The following RALYL variants were observed in gnomAD, a reference collection of about 807,000 sequenced individuals.
The protein encoded by RALYL is RNA-binding Raly-like protein.
RALYL carries 29 observed loss-of-function variants against 35.1 expected under a neutral mutation model. The ratio of observed to expected loss-of-function variants is 0.83; its 90% confidence interval spans 0.61 to 1.13. The LOEUF (loss-of-function observed/expected upper bound fraction) is 1.13. Ranked by LOEUF, RALYL falls within the 50% of genes most tolerant of loss-of-function variation. The pLI, the probability that RALYL is intolerant of heterozygous loss-of-function variation, is 0.00. For synonymous variants in RALYL, 120 were observed against 127.6 expected (o/e 0.94, Z 0.40); for missense variants, 359 against 360.4 (o/e 1.00, Z 0.03).
At chr8:84,595,635 G>A (rs1814322810) in intron 2 of RALYL, among the ~76,000 whole-genome samples, 1 of 151,998 alleles carries the variant, frequency 6.6e-6, no homozygotes. Context: ...TTCAAAAAAG[G>A]AGGCCCTCTA....
chr8:84,908,868 T>A (rs1387145923), intron 8 of RALYL, among the ~76,000 whole-genome samples: 1 of 152,038 alleles, frequency 6.6e-6, no homozygotes, highest in Non-Finnish European at 1.5e-5. Flanking sequence ...CAGCACTTTT[T>A]TTTTTTTTTG....
chr8:84,802,847 G>A (rs1823663672), intron 3 of RALYL, among the ~76,000 whole-genome samples: 1 of 152,126 alleles, frequency 6.6e-6, no homozygotes, highest in Non-Finnish European at 1.5e-5. Context: ...AAGAATTTCG[G>A]AGAGACTAAC....
At chr8:84,682,024 A>C (rs527251273) in intron 2 of RALYL, among the ~76,000 whole-genome samples, 4 of 152,036 alleles carry the variant, frequency 2.6e-5, no homozygotes, top group Non-Finnish European at 4.4e-5. Context: ...ATCAATACCT[A>C]ATTTATTGAG....
At chr8:84,311,344 A>G (rs1001252918) in intron 1 of RALYL, among the ~76,000 whole-genome samples, 2 of 152,042 alleles carry the variant, frequency 1.3e-5, no homozygotes, top group Non-Finnish European at 2.9e-5. Context: ...GCATATAAGC[A>G]TTATCTTATC....
At chr8:84,460,419 C>T (rs2050628689) in intron 1 of RALYL, among the ~76,000 whole-genome samples, 1 of 151,540 alleles carries the variant, frequency 6.6e-6, no homozygotes, top group Non-Finnish European at 1.5e-5. Flanking sequence ...GAGTAAAATG[C>T]CCATCATAGA....
At chr8:84,302,475 T>A (rs1275226233) in intron 1 of RALYL, among the ~76,000 whole-genome samples, 2 of 152,170 alleles carry the variant, frequency 1.3e-5, no homozygotes, top group Non-Finnish European at 2.9e-5. Context: ...GGATACTTAG[T>A]TCCACCCTCT....
chr8:84,494,030 G>A (rs1400724382), intron 1 of RALYL, among the ~76,000 whole-genome samples: 1 of 152,048 alleles, frequency 6.6e-6, no homozygotes, highest in Non-Finnish European at 1.5e-5. Context: ...GGTTTTTATG[G>A]TTTTGGGTTT....
At chr8:84,677,526 T>A (rs1834456103) in intron 2 of RALYL, among the ~76,000 whole-genome samples, 1 of 152,166 alleles carries the variant, frequency 6.6e-6, no homozygotes, top group Admixed American at 6.6e-5. Context: ...ACAAAATGTG[T>A]TTTTCAGAGA....
intron 2 of RALYL, chr8:84,679,599 T>C (rs1191149984): frequency 8.7e-6 from 4 of 458,094 alleles, no homozygotes; most frequent in South Asian, 5.1e-5. Flanking sequence ...CTTATCTTCT[T>C]TGATGAAACT....
intron 1 of RALYL, among the ~76,000 whole-genome samples, chr8:84,232,110 T>G (rs7831839): frequency 0.69 from 105,513 of 151,956 alleles, 36,837 homozygotes; most frequent in African/African-American, 0.77. Flanking sequence ...ATGAATGGGA[T>G]ATTTAATTAT....
chr8:84,481,002 A>G (rs2053983501), intron 1 of RALYL, among the ~76,000 whole-genome samples: 2 of 152,160 alleles, frequency 1.3e-5, no homozygotes, highest in South Asian at 4.1e-4. Context: ...GGGCTTACAG[A>G]TCTCTGAACA....
At chr8:84,847,735 TC>T (rs1834962555) in intron 4 of RALYL, among the ~76,000 whole-genome samples, 1 of 152,224 alleles carries the variant, frequency 6.6e-6, no homozygotes, top group South Asian at 2.1e-4. Flanking sequence ...GGTCTCATTG[TC>T]CCCTTGGTTT....
chr8:84,466,886 G>A lies in RALYL; in HGVS notation c.-23-62413G>A, dbSNP rs771609971. ...TTAGTCTTGGGAGAGTGTATGTGTC[G>A]AGGAATTTATCCATTTCTTCTAGAT... On this transcript the variant is annotated intron_variant, in intron 1 of 8. Transcript: ENST00000521268. 7.4e-3 allele frequency among the ~76,000 whole-genome samples: 1,116 copies of A among 151,230 alleles called. 4 individuals are homozygous for A. Among genetic ancestry groups the A allele is most frequent in the Non-Finnish European group, 0.011 (755 of 67,414 alleles).
intron 1 of RALYL, among the ~76,000 whole-genome samples, chr8:84,419,978 C>A (rs965399618): frequency 4.0e-5 from 6 of 150,630 alleles, no homozygotes; most frequent in Non-Finnish European, 7.4e-5. Flanking sequence ...CAAGTCTTTG[C>A]TATTGTGAAT....
rs185917195 is a variant in RALYL, at chr8:84,761,214, A to G, written c.257-13365A>G. ...AAAGCAAAGTCATTGGAAAAGAGTC[A>G]ACAATGTCAAAACTATTAATGAAAA... On this transcript the variant is annotated intron_variant, in intron 2 of 8. Coordinates refer to ENST00000521268, the MANE Select transcript of RALYL (RefSeq NM_173848.7). Among the ~76,000 whole-genome samples the G allele has an allele frequency of 2.0e-5, 3 of 152,220 alleles. No individual in the cohort carries two copies. The East Asian group carries it at 5.8e-4, about 29-fold the overall frequency.
At chr8:84,576,616 C>A (rs925789172) in intron 2 of RALYL, among the ~76,000 whole-genome samples, 13 of 152,116 alleles carry the variant, frequency 8.5e-5, no homozygotes, top group African/African-American at 2.4e-4. Flanking sequence ...GCTTACATGG[C>A]CTACACCTCA....
At chr8:84,757,154 G>T (rs984211270) in intron 2 of RALYL, among the ~76,000 whole-genome samples, 1 of 152,084 alleles carries the variant, frequency 6.6e-6, no homozygotes, top group Non-Finnish European at 1.5e-5. Flanking sequence ...AAAATTTAGA[G>T]ATATTTTTGA....
chr8:84,480,362 C>T (rs1290236274), intron 1 of RALYL, among the ~76,000 whole-genome samples: 3 of 152,086 alleles, frequency 2.0e-5, no homozygotes, highest in Non-Finnish European at 4.4e-5. Flanking sequence ...GTACTTTGTG[C>T]TTCTAATGAT....
chr8:84,664,732 A>G (rs975451750), intron 2 of RALYL, among the ~76,000 whole-genome samples: 1 of 152,042 alleles, frequency 6.6e-6, no homozygotes, highest in African/African-American at 2.4e-5. Context: ...TTAGGGTGAG[A>G]TGATGGGGTT....
Sources: allele counts gnomAD v4.1 joint callset (sites outside exome capture counted in the v4.1 genomes callset), GRCh38; gene constraint gnomAD v4.1.1; transcripts MANE v1.5; gene names NCBI Gene and HGNC (gene_info 2026-07-23, HGNC 2026-07-21).